Variants in KIF27 observed in about 807,000 individuals in gnomAD.
The protein encoded by KIF27 is kinesin-like protein KIF27.
In KIF27, 84 loss-of-function variants were observed where a neutral mutation model predicts 141.8. The ratio of observed to expected loss-of-function variants is 0.59; its 90% CI spans 0.50 to 0.71. The LOEUF (loss-of-function observed/expected upper bound fraction) is 0.71. Ranked by LOEUF, KIF27 falls within the 30% of genes least tolerant of loss-of-function variation. The pLI is 0.00. For synonymous variants in KIF27, 471 were observed against 569.5 expected (o/e 0.83, Z 2.46); for missense variants, 1,306 against 1,628.4 (o/e 0.80, Z 3.41).
intron 5 of KIF27, among the ~76,000 whole-genome samples, chr9:83,897,625 T>C (rs2132479784): frequency 6.6e-6 from 1 of 152,086 alleles, no homozygotes; most frequent in East Asian, 1.9e-4. Flanking sequence ...TGAATTTGAT[T>C]ACAATAAGAA....
At chr9:83,916,447 T>C (rs1215083456) in intron 1 of KIF27, among the ~76,000 whole-genome samples, 3 of 152,206 alleles carry the variant, frequency 2.0e-5, no homozygotes, top group African/African-American at 7.2e-5. Context: ...GTTTTAAGAA[T>C]TTCAATAAGT....
intron 8 of KIF27, among the ~76,000 whole-genome samples, chr9:83,887,443 A>G (rs1484217869): frequency 6.6e-6 from 1 of 152,224 alleles, no homozygotes; most frequent in Non-Finnish European, 1.5e-5. Flanking sequence ...ATATCCCATA[A>G]GTTCAGACAC....
intron 1 of KIF27, among the ~76,000 whole-genome samples, chr9:83,919,432 T>C (rs1027542224): frequency 3.3e-5 from 5 of 152,148 alleles, no homozygotes; most frequent in African/African-American, 9.7e-5. Context: ...TATGACAATG[T>C]TTGAGTGCAG....
chr9:83,915,344 T>C lies in KIF27; in HGVS notation c.248A>G (p.Tyr83Cys), dbSNP rs1287667036. The C allele has an allele frequency of 5.0e-6, 8 of 1,613,646 alleles. No homozygotes were observed. The highest frequency in any genetic ancestry group is 1.3e-5 in the African/African-American group (1 of 75,028). Residue 83 changes from tyrosine to cysteine, a missense_variant, in exon 2 of 18, where the codon TAT becomes TGT. Tyr to Cys is a radical substitution (Grantham distance 194). Around this residue, in one of 4 missense-constraint regions of KIF27, gnomAD observed 533 missense variants for 565.6 expected, o/e 0.94. Transcript: ENST00000297814. ...TGTCTTCCCAGATCCAGTTTGTCCA[T>C]AGGCAAAAACAGTTGCATTATAGCC... ...IEGYNATVFA[Y>C]GQTGSGKTYT...
intron 6 of KIF27, among the ~76,000 whole-genome samples, chr9:83,889,936 C>G (rs1361197523): frequency 6.6e-6 from 1 of 152,076 alleles, no homozygotes; most frequent in Non-Finnish European, 1.5e-5. Context: ...TGGAAAACAA[C>G]AACAATAAAT....
chr9:83,911,072 CTT>C (rs1313616488), intron 2 of KIF27, among the ~76,000 whole-genome samples: 9 of 151,916 alleles, frequency 5.9e-5, no homozygotes, highest in Admixed American at 3.3e-4. Context: ...TTTTTCTTTT[CTT>C]TTTCTTTTTT....
intron 1 of KIF27, among the ~76,000 whole-genome samples, chr9:83,918,037 AAAGATG>A (rs951623116): frequency 6.6e-6 from 1 of 152,232 alleles, no homozygotes; most frequent in Admixed American, 6.5e-5. Flanking sequence ...AGCAAAAAAT[AAAGATG>A]AAGTATAGAT....
At chr9:83,870,188 G>A (rs892363339) in intron 12 of KIF27, among the ~76,000 whole-genome samples, 2 of 151,300 alleles carry the variant, frequency 1.3e-5, no homozygotes, top group African/African-American at 2.4e-5. Context: ...TTTATTGAGA[G>A]GGAGTTTTGC....
At chr9:83,858,053 C>T (rs1451756389) in intron 14 of KIF27, among the ~76,000 whole-genome samples, 3 of 138,374 alleles carry the variant, frequency 2.2e-5, no homozygotes, top group African/African-American at 8.1e-5. Flanking sequence ...TATTTGAATT[C>T]TGCTGTATCT....
intron 11 of KIF27, among the ~76,000 whole-genome samples, chr9:83,875,616 G>A (rs974898992): frequency 6.6e-6 from 1 of 152,086 alleles, no homozygotes; most frequent in African/African-American, 2.4e-5. Context: ...AAGGACCGGT[G>A]GAGTAGGATG....
chr9:83,846,169 T>C (rs1484710250), intron 16 of KIF27, among the ~76,000 whole-genome samples: 2 of 152,102 alleles, frequency 1.3e-5, no homozygotes, highest in Non-Finnish European at 1.5e-5. Context: ...TATGGCACCA[T>C]TCCTCAGGGT....
rs184840070 is a variant in KIF27 at position 83,867,481 on chromosome 9, G to A, written c.2934+203C>T. Among the ~76,000 whole-genome samples, 553 of 117,668 alleles carry A rather than the reference G, an allele frequency of 4.7e-3. 3 individuals carry two copies. The highest frequency in any genetic ancestry group is 6.6e-3 in the Non-Finnish European group (412 of 62,670). 77.2% of individuals were successfully genotyped at this position (117,668 alleles called of 152,430 possible). ...GAGATTACTGGGTCACATAGTATCC[G>A]TAAGTTTAGCCTTTTGAGGAACTAC... On this transcript the variant is annotated intron_variant, in intron 13 of 17. Transcript: ENST00000297814.
rs1337347812 is a variant in KIF27, at chr9:83,836,765, T to C, written c.*236A>G. 6 of 521,554 alleles carry C rather than the reference T, an allele frequency of 1.2e-5. No homozygotes were observed. In the East Asian group the frequency reaches 2.3e-4, roughly 20 times the overall value. The allele number at this position is 521,554 out of a possible 1,614,324, so 32.3% of individuals were successfully genotyped here. A position where few individuals can be genotyped will look rare whatever the true frequency, so the allele number is the denominator to read the frequency against. On this transcript the variant is annotated 3_prime_UTR_variant, in exon 18 of 18. Transcript: ENST00000297814. The stretch of plus-strand genomic sequence containing the variant: ...AAACATTTAAGCGTATTTATAAATA[T>C]TTAAATGTTATCAAGTATTGGAAAA...
At chr9:83,889,567 C>T (rs2132342264) in intron 6 of KIF27, among the ~76,000 whole-genome samples, 1 of 151,748 alleles carries the variant, frequency 6.6e-6, no homozygotes, top group East Asian at 1.9e-4. Flanking sequence ...CTCTTAAACA[C>T]AACACAGACA....
chr9:83,891,516 G>A lies in KIF27; in HGVS notation c.1603-15C>T. 1.3e-6 allele frequency: 2 copies of A among 1,592,744 alleles called. No individual in the cohort carries two copies. Among genetic ancestry groups the A allele is most frequent in the East Asian group, 2.3e-5 (1 of 44,160 alleles). On this transcript the variant is annotated splice_polypyrimidine_tract_variant and intron_variant, in intron 5 of 17. Coordinates refer to ENST00000297814, the MANE Select transcript of KIF27 (RefSeq NM_017576.4). ...ATTTTTTCATTCTTTGTAGAAGAGA[G>A]ATGAAAATTTTTAATATAGAGCACT... is the stretch of plus-strand genomic sequence containing the variant.
In KIF27 at chr9:83,881,784, G is replaced by C. The variant is rs148206551; in HGVS notation, c.2446-1290C>G. Among the ~76,000 whole-genome samples, 919 of 152,226 alleles carry C rather than the reference G, an allele frequency of 6.0e-3. 10 individuals are homozygous for C. The highest frequency in any genetic ancestry group is 0.021 in the African/African-American group (872 of 41,522). On this transcript the variant is annotated intron_variant, in intron 10 of 17. Transcript: ENST00000297814. ...TACTGCAGCAAAAATTATAATACCA[G>C]CATTTTAGTGTCTTTTTCACATAAT...
chr9:83,894,186 T>C (rs983461165), intron 5 of KIF27, among the ~76,000 whole-genome samples: 8 of 152,184 alleles, frequency 5.3e-5, no homozygotes, highest in African/African-American at 1.9e-4. Context: ...AAAGAAATAA[T>C]ACCAATTTTC....
chr9:83,910,048 T>C (rs1954980532), intron 2 of KIF27, among the ~76,000 whole-genome samples: 1 of 142,676 alleles, frequency 7.0e-6, no homozygotes, highest in Admixed American at 7.1e-5. Context: ...CAAGACCCTT[T>C]CTCTAAATAC....
chr9:83,920,248 G>A (rs1366613870), intron 1 of KIF27, among the ~76,000 whole-genome samples: 1 of 152,062 alleles, frequency 6.6e-6, no homozygotes, highest in African/African-American at 2.4e-5. Context: ...AATAGTAATG[G>A]TCCACAAACA....
Sources: gnomAD v4.1 joint callset for allele counts (sites outside exome capture counted in the v4.1 genomes callset) on GRCh38, gnomAD v4.1.1 for gene constraint, gnomAD v4.1.1 regional missense constraint, MANE v1.5 for transcripts, NCBI Gene and HGNC (gene_info 2026-07-23, HGNC 2026-07-21) for gene names.